Variants in POU2F1 observed in about 807,000 individuals in gnomAD.
POU2F1 encodes the protein POU class 2 homeobox 1.
In POU2F1, 16 loss-of-function variants were observed where a neutral mutation model predicts 84.9. The observed-to-expected ratio is 0.19, with a 90% CI of 0.13 to 0.29. POU2F1 has a LOEUF of 0.29. POU2F1 is among the 10% of genes least tolerant of loss of function. The probability of loss-of-function intolerance (pLI) is 1.00; values close to 1 mark genes in which losing one functional copy is unlikely to be tolerated. For synonymous variants in POU2F1, 368 were observed against 368.3 expected (o/e 1.00, Z 0.01); for missense variants, 738 against 942.6 (o/e 0.78, Z 2.84).
At chr1:167,343,163 G>T (rs960049724) in intron 2 of POU2F1, among the ~76,000 whole-genome samples, 6 of 152,114 alleles carry the variant, frequency 3.9e-5, no homozygotes, top group Non-Finnish European at 8.8e-5. Flanking sequence ...AGGGGTGGGG[G>T]TCAAGGGGGA....
intron 1 of POU2F1, among the ~76,000 whole-genome samples, chr1:167,243,034 G>C (rs1312912919): frequency 6.6e-6 from 1 of 150,836 alleles, no homozygotes; most frequent in African/African-American, 2.4e-5. Context: ...TTTTCAGCAA[G>C]TGTCTACTAA....
intron 1 of POU2F1, among the ~76,000 whole-genome samples, chr1:167,328,456 C>T (rs556040961): frequency 3.0e-4 from 46 of 152,286 alleles, no homozygotes; most frequent in Middle Eastern, 3.4e-3. Flanking sequence ...CTGCTTCTAC[C>T]TTGCTAATTG....
intron 5 of POU2F1, among the ~76,000 whole-genome samples, chr1:167,372,500 G>A (rs1049096565): frequency 1.3e-5 from 2 of 152,130 alleles, no homozygotes; most frequent in African/African-American, 4.8e-5. Context: ...TCCTAGCTCT[G>A]CAACTTACCG....
At chr1:167,299,178 A>AAT (rs961414271) in intron 1 of POU2F1, among the ~76,000 whole-genome samples, 1 of 151,794 alleles carries the variant, frequency 6.6e-6, no homozygotes, top group African/African-American at 2.4e-5. Context: ...AAAAAAAAAA[A>AAT]AAAAAAGAAT....
Position 167,294,507 on chromosome 1 carries a change from G to T in POU2F1, c.62-37963G>T, listed in dbSNP as rs561383263. ...ACCCACAAAGTGGGAGAAAATATTT[G>T]CAAACTATACATCTGACAAAGGACT... On this transcript the variant is annotated intron_variant, in intron 1 of 15. Coordinates refer to ENST00000367866, the MANE Select transcript of POU2F1 (RefSeq NM_002697.4). Among the ~76,000 whole-genome samples the T allele has an allele frequency of 3.8e-3, 580 of 152,260 alleles. 3 individuals carry two copies. Among genetic ancestry groups the T allele is most frequent in the African/African-American group, 0.013 (558 of 41,538 alleles).
chr1:167,401,585 T>C (rs2101919425), intron 13 of POU2F1, 29 bp downstream of exon 13: 1 of 1,528,218 alleles, frequency 6.5e-7, no homozygotes, highest in Non-Finnish European at 8.9e-7. Context: ...ATGCACCTGC[T>C]GAGCACATGG....
chr1:167,309,303 A>G (rs1249600895), intron 1 of POU2F1, among the ~76,000 whole-genome samples: 4 of 152,170 alleles, frequency 2.6e-5, no homozygotes, highest in Non-Finnish European at 5.9e-5. Flanking sequence ...TTGCATTTAT[A>G]TATTTTGAAA....
chr1:167,310,306 GA>G (rs1655371674), intron 1 of POU2F1, among the ~76,000 whole-genome samples: 1 of 151,946 alleles, frequency 6.6e-6, no homozygotes, highest in East Asian at 1.9e-4. Context: ...GACATGATGG[GA>G]AAAGGCCAAA....
At chr1:167,277,196 G>C (rs1464811514) in intron 1 of POU2F1, among the ~76,000 whole-genome samples, 1 of 151,724 alleles carries the variant, frequency 6.6e-6, no homozygotes, top group Non-Finnish European at 1.5e-5. Context: ...TCATGTCTCT[G>C]GTAACTCCTG....
At position 167,401,569 on chromosome 1, in the gene POU2F1, C is replaced by G. The variant is rs143577606; in HGVS notation, c.1555+13C>G. On this transcript the variant is annotated intron_variant, in intron 13 of 15. Coordinates refer to ENST00000367866, the MANE Select transcript of POU2F1 (RefSeq NM_002697.4). ...CTTTCAGTTACAGGTAAGCAGCTGCCAGGCCATGCACCTGCTGAGCACATG... is the reference window on the plus strand; with the variant it reads ...CTTTCAGTTACAGGTAAGCAGCTGCGAGGCCATGCACCTGCTGAGCACATG... The G allele has an allele frequency of 6.2e-5, 98 of 1,579,378 alleles. No individual in the cohort carries two copies. The Middle Eastern group carries it at 8.6e-4, about 14-fold the overall frequency.
chr1:167,242,827 C>T (rs954087709), intron 1 of POU2F1, among the ~76,000 whole-genome samples: 2 of 152,078 alleles, frequency 1.3e-5, no homozygotes, highest in South Asian at 2.1e-4. Flanking sequence ...TCTCCTTTTG[C>T]GTAGGATAAA....
intron 1 of POU2F1, among the ~76,000 whole-genome samples, chr1:167,264,289 A>G (rs1375965726): frequency 6.6e-6 from 1 of 151,754 alleles, no homozygotes; most frequent in African/African-American, 2.4e-5. Flanking sequence ...GACATATGAG[A>G]GCATGTAGGT....
At chr1:167,375,985 T>G (rs745706836) in intron 6 of POU2F1, 44 bp from the exon 7 acceptor site, 2 of 1,610,594 alleles carry the variant, frequency 1.2e-6, no homozygotes, top group Admixed American at 3.3e-5. Flanking sequence ...AAGCGAACTT[T>G]TATTTCAGAA....
At chr1:167,409,869 G>T (rs562390330) in intron 13 of POU2F1, among the ~76,000 whole-genome samples, 1 of 152,288 alleles carries the variant, frequency 6.6e-6, no homozygotes, top group East Asian at 1.9e-4. Flanking sequence ...GTTAGATAAG[G>T]TGAGAAATTG....
chr1:167,361,933 C>G (rs1268383433), intron 2 of POU2F1, among the ~76,000 whole-genome samples: 1 of 152,012 alleles, frequency 6.6e-6, no homozygotes, highest in Non-Finnish European at 1.5e-5. Flanking sequence ...TTCTGTTTCT[C>G]TGTGTCTTCA....
At chr1:167,241,796 T>C (rs894478607) in intron 1 of POU2F1, among the ~76,000 whole-genome samples, 7 of 152,208 alleles carry the variant, frequency 4.6e-5, no homozygotes, top group African/African-American at 1.7e-4. Flanking sequence ...TGTAGAAAAC[T>C]GAGGTACAAC....
intron 2 of POU2F1, among the ~76,000 whole-genome samples, chr1:167,335,922 T>A (rs1465078103): frequency 1.3e-5 from 2 of 152,346 alleles, no homozygotes; most frequent in Admixed American, 1.3e-4. Flanking sequence ...TGGCTCCACT[T>A]ATATGCAAAT....
rs57204049 is a variant in POU2F1 at position 167,287,253 on chromosome 1, A to G, written c.62-45217A>G. 5.3e-3 allele frequency among the ~76,000 whole-genome samples: 802 copies of G among 152,322 alleles called. 10 individuals are homozygous for G. The highest frequency in any genetic ancestry group is 0.018 in the African/African-American group (733 of 41,570). On this transcript the variant is annotated intron_variant, in intron 1 of 15. Transcript: ENST00000367866. ...AACTCTTTTAAAATACAGGTTTGCT[A>G]TTTGAATTTGTTCACCTGTGTGGTC...
At chr1:167,307,041 A>G (rs1028562578) in intron 1 of POU2F1, among the ~76,000 whole-genome samples, 3 of 152,218 alleles carry the variant, frequency 2.0e-5, no homozygotes, top group African/African-American at 4.8e-5. Context: ...ACATGACAAT[A>G]TATTTATAAT....
Sources: allele counts gnomAD v4.1 joint callset (sites outside exome capture counted in the v4.1 genomes callset), GRCh38; gene constraint gnomAD v4.1.1; transcripts MANE v1.5; gene names NCBI Gene and HGNC (gene_info 2026-07-23, HGNC 2026-07-21).